The following WARS1 variants were observed in gnomAD, a reference collection of about 807,000 sequenced individuals.
WARS1 encodes tryptophanyl-tRNA synthetase 1.
WARS1 carries 17 observed loss-of-function variants against 47.8 expected under a neutral mutation model. The ratio of observed to expected loss-of-function variants is 0.36; its 90% confidence interval spans 0.24 to 0.53. The LOEUF (loss-of-function observed/expected upper bound fraction) is 0.53, where lower values mean the gene tolerates loss of function less well. Ranked by LOEUF, WARS1 falls within the 20% of genes least tolerant of loss-of-function variation. The pLI, the probability that WARS1 is intolerant of heterozygous loss-of-function variation, is 0.91. For synonymous variants in WARS1, 208 were observed against 228.1 expected, an observed-to-expected ratio of 0.91 and a Z score of 0.79; for missense variants, 434 against 608.0, an observed-to-expected ratio of 0.71 and a Z score of 3.01.
chr14:100,355,278 T>C (rs906541491), intron 4 of WARS1, among the ~76,000 whole-genome samples: 1 of 152,074 alleles, frequency 6.6e-6, no homozygotes. Flanking sequence ...TGGAGTGCAG[T>C]GGTGTGATCT....
At chr14:100,368,631 AG>A (rs1296578463) in intron 2 of WARS1, among the ~76,000 whole-genome samples, 1 of 152,220 alleles carries the variant, frequency 6.6e-6, no homozygotes, top group Non-Finnish European at 1.5e-5. Context: ...TTTAGACCAC[AG>A]GCATCCCAAT....
chr14:100,362,358 A>T (rs1271384348), intron 2 of WARS1, among the ~76,000 whole-genome samples: 1 of 152,244 alleles, frequency 6.6e-6, no homozygotes, highest in Admixed American at 6.5e-5. Context: ...CATACCACAC[A>T]GGTTGAGATG....
At chr14:100,346,574 A>G (rs1450760196) in intron 7 of WARS1, among the ~76,000 whole-genome samples, 172 bp downstream of exon 7, 1 of 152,204 alleles carries the variant, frequency 6.6e-6, no homozygotes, top group Non-Finnish European at 1.5e-5. Context: ...TACACTAGCT[A>G]GTCAGATTCC....
chr14:100,338,436 TTG>T, intron 9 of WARS1, among the ~76,000 whole-genome samples: 1 of 152,072 alleles, frequency 6.6e-6, no homozygotes, highest in African/African-American at 2.4e-5. Flanking sequence ...GGCTAATTTT[TTG>T]GTATTTTTTG....
intron 6 of WARS1, among the ~76,000 whole-genome samples, chr14:100,351,262 G>A (rs1454583639): frequency 6.6e-6 from 1 of 152,160 alleles, no homozygotes; most frequent in Non-Finnish European, 1.5e-5. Context: ...GACTGGAAAA[G>A]GAGAAGCAGA....
chr14:100,370,995 A>G (rs1359784491), intron 1 of WARS1, among the ~76,000 whole-genome samples: 1 of 152,220 alleles, frequency 6.6e-6, no homozygotes, highest in Non-Finnish European at 1.5e-5. Context: ...ATCACAAGGA[A>G]ATGGCAGAGA....
chr14:100,376,040 A>G (rs17554326), upstream of WARS1: 24,270 of 154,292 alleles, frequency 0.16, 2,322 homozygotes, highest in Non-Finnish European at 0.22. Flanking sequence ...GAAGGGTGCC[A>G]GTGGGAAAGG....
At chr14:100,346,034 C>T (rs1488121352) in intron 7 of WARS1, among the ~76,000 whole-genome samples, 1 of 152,234 alleles carries the variant, frequency 6.6e-6, no homozygotes, top group East Asian at 1.9e-4. Flanking sequence ...TGACTGAAGG[C>T]CTCAAGGGCC....
In WARS1 at chr14:100,337,345, T is replaced by C. The variant is rs4905951; in HGVS notation, c.1114-143A>G. On this transcript the variant is annotated intron_variant, in intron 9 of 10. Transcript: ENST00000392882. ...GGAAAGGCCAAGGCGCACAGCCGGTTGGGGGCGCACAGCCAGTGGGGGACC... is the reference window on the plus strand; with the variant it reads ...GGAAAGGCCAAGGCGCACAGCCGGTCGGGGGCGCACAGCCAGTGGGGGACC... The C allele has an allele frequency of 1, 1,266,226 of 1,266,810 alleles. 632,823 individuals are homozygous for C. The highest frequency in any genetic ancestry group is 1 in the Middle Eastern group (4,586 of 4,586). The allele number at this position is 1,266,810 out of a possible 1,614,324, so 78.5% of individuals were successfully genotyped here.
chr14:100,340,714 G>A (rs1894100284), intron 9 of WARS1, among the ~76,000 whole-genome samples: 1 of 152,006 alleles, frequency 6.6e-6, no homozygotes, highest in Non-Finnish European at 1.5e-5. Context: ...TCTGATTTTG[G>A]AGCTGAAGTC....
At chr14:100,348,592 T>C (rs1894776297) in intron 6 of WARS1, among the ~76,000 whole-genome samples, 3 of 152,146 alleles carry the variant, frequency 2.0e-5, no homozygotes, top group East Asian at 3.9e-4. Flanking sequence ...TTTGTCCTCC[T>C]GCCAAGCAAG....
Position 100,353,904 on chromosome 14 carries a change from A to C in WARS1, c.543-35T>G, listed in dbSNP as rs575146343. 51 of 1,596,966 alleles carry C rather than the reference A, an allele frequency of 3.2e-5. 2 individuals carry two copies. The Middle Eastern group carries it at 6.0e-4, about 19-fold the overall frequency. On this transcript the variant is annotated intron_variant, in intron 5 of 10. Transcript: ENST00000392882. Reference sequence around the variant, plus strand: ...CACAGGGGGAGAAAGCTGACGTCTCATCTCCCCTGTGGAGGAACGCCATCG... The same window carrying C: ...CACAGGGGGAGAAAGCTGACGTCTCCTCTCCCCTGTGGAGGAACGCCATCG...
intron 4 of WARS1, among the ~76,000 whole-genome samples, chr14:100,356,602 T>C (rs1186856107): frequency 1.3e-5 from 2 of 151,334 alleles, no homozygotes; most frequent in African/African-American, 2.4e-5. Flanking sequence ...CAAGAAGAAA[T>C]AGAAAATATA....
intron 2 of WARS1, among the ~76,000 whole-genome samples, chr14:100,367,842 T>C (rs972329412): frequency 2.0e-5 from 3 of 152,132 alleles, no homozygotes; most frequent in Non-Finnish European, 4.4e-5. Context: ...CTATCAATCA[T>C]GTTTTAGGTA....
intron 7 of WARS1, among the ~76,000 whole-genome samples, chr14:100,345,921 C>T (rs573247088): frequency 2.0e-5 from 3 of 152,346 alleles, no homozygotes; most frequent in Admixed American, 1.3e-4. Context: ...GTGACCCTGA[C>T]GCTGTGGAGC....
At chr14:100,375,126 G>A (rs1896577319) in intron 1 of WARS1, among the ~76,000 whole-genome samples, 157 bp downstream of exon 1, 1 of 152,146 alleles carries the variant, frequency 6.6e-6, no homozygotes, top group South Asian at 2.1e-4. Flanking sequence ...GTTCCCTATG[G>A]GAGCAGTGAA....
chr14:100,362,477 G>A (rs1252240452), intron 2 of WARS1, among the ~76,000 whole-genome samples: 1 of 151,902 alleles, frequency 6.6e-6, no homozygotes, highest in African/African-American at 2.4e-5. Flanking sequence ...AATTAAGGAG[G>A]GATTCACTGG....
intron 2 of WARS1, chr14:100,366,637 A>ACATGGATATGAG: frequency 1.3e-6 from 1 of 761,516 alleles, no homozygotes; most frequent in Non-Finnish European, 2.4e-6. Context: ...TGGCCCATGG[A>ACATGGATATGAG]CATGGACATG....
intron 4 of WARS1, among the ~76,000 whole-genome samples, chr14:100,357,356 T>C (rs1265211175): frequency 6.6e-6 from 1 of 151,900 alleles, no homozygotes; most frequent in Non-Finnish European, 1.5e-5. Context: ...GGAGATACAA[T>C]CCTATATGTA....
Sources: allele counts gnomAD v4.1 joint callset (sites outside exome capture counted in the v4.1 genomes callset), GRCh38; gene constraint gnomAD v4.1.1; transcripts MANE v1.5; gene names NCBI Gene and HGNC (gene_info 2026-07-23, HGNC 2026-07-21).